The following SYK variants were observed in gnomAD, a reference collection of about 807,000 sequenced individuals.
The protein encoded by SYK is spleen associated tyrosine kinase, also known as tyrosine-protein kinase SYK.
In SYK, 16 loss-of-function variants were observed where a neutral mutation model predicts 77.8. That is an observed-to-expected ratio of 0.21 (90% CI 0.14 to 0.31). The LOEUF is 0.31. SYK is among the 10% of genes least tolerant of loss of function. The pLI is 1.00. For missense variants in SYK, 529 were observed against 814.4 expected, an observed-to-expected ratio of 0.65 and a Z score of 4.26; for synonymous variants, 312 against 308.7, an observed-to-expected ratio of 1.01 and a Z score of -0.11.
intron 3 of SYK, among the ~76,000 whole-genome samples, chr9:90,853,615 G>A (rs925128725): frequency 6.6e-6 from 1 of 151,992 alleles, no homozygotes; most frequent in African/African-American, 2.4e-5. Context: ...GTAAACTATC[G>A]CAAGGACAAA....
At chr9:90,857,642 G>A (rs575236287) in intron 3 of SYK, among the ~76,000 whole-genome samples, 1 of 152,296 alleles carries the variant, frequency 6.6e-6, no homozygotes, top group East Asian at 1.9e-4. Context: ...TCATGGATCA[G>A]TAAAGCTGGC....
intron 1 of SYK, among the ~76,000 whole-genome samples, chr9:90,838,605 G>A (rs1468647427): frequency 6.6e-6 from 1 of 152,190 alleles, no homozygotes; most frequent in Non-Finnish European, 1.5e-5. Flanking sequence ...GTTCACTGAG[G>A]TGCCAGACCC....
At chr9:90,867,293 C>A (rs1827539336) in intron 7 of SYK, 94 bp downstream of exon 7, 4 of 1,259,962 alleles carry the variant, frequency 3.2e-6, no homozygotes, top group Admixed American at 3.5e-5. Context: ...GTGTGCGCTG[C>A]CCCCCATCTC....
chr9:90,819,513 C>T (rs1166750870), intron 1 of SYK, among the ~76,000 whole-genome samples: 1 of 152,154 alleles, frequency 6.6e-6, no homozygotes, highest in Admixed American at 6.5e-5. Context: ...TACATGGTGG[C>T]AGCAAGAGAA....
At chr9:90,814,833 T>C (rs1312009682) in intron 1 of SYK, among the ~76,000 whole-genome samples, 2 of 74,940 alleles carry the variant, frequency 2.7e-5, no homozygotes, top group African/African-American at 9.3e-5. Context: ...ACAACACACG[T>C]GCACACACAC....
At chr9:90,893,970 A>T (rs996413821) in intron 13 of SYK, among the ~76,000 whole-genome samples, 3 of 152,240 alleles carry the variant, frequency 2.0e-5, no homozygotes, top group Non-Finnish European at 4.4e-5. Flanking sequence ...GCTGTGTCCC[A>T]GCTTCCTGGA....
chr9:90,887,705 C>T (rs1828631689), intron 11 of SYK, 44 bp from the exon 12 acceptor site: 1 of 1,562,232 alleles, frequency 6.4e-7, no homozygotes. Flanking sequence ...GCCCGGCCCA[C>T]AATTTTATTC....
In SYK at chr9:90,896,962, G is replaced by A; in HGVS notation, c.*1362G>A. The A allele has an allele frequency of 5.0e-6, 1 of 200,476 alleles. No homozygotes were observed. The highest frequency in any genetic ancestry group is 7.8e-5 in the East Asian group (1 of 12,868). 12.4% of individuals were successfully genotyped at this position (200,476 alleles called of 1,614,324 possible). A position where few individuals can be genotyped will look rare whatever the true frequency, so the allele number is the denominator to read the frequency against. ...GAATCGCTTGAACCCAGGAAACGGA[G>A]GTCGCAGTGAGCCAAGATCATGCCA... On this transcript the variant is annotated 3_prime_UTR_variant, in exon 14 of 14. Coordinates refer to ENST00000375754, the MANE Select transcript of SYK (RefSeq NM_003177.7).
intron 1 of SYK, among the ~76,000 whole-genome samples, chr9:90,824,047 T>A (rs1244461221): frequency 6.6e-6 from 1 of 151,614 alleles, no homozygotes; most frequent in African/African-American, 2.4e-5. Flanking sequence ...TTTACCAATA[T>A]CAGAAATGAA....
At chr9:90,868,124 G>T (rs557944743) in intron 7 of SYK, among the ~76,000 whole-genome samples, 2 of 152,280 alleles carry the variant, frequency 1.3e-5, no homozygotes, top group African/African-American at 4.8e-5. Context: ...AATTTTCCAA[G>T]TTTACTCATA....
intron 3 of SYK, among the ~76,000 whole-genome samples, chr9:90,850,913 G>A (rs1230154422): frequency 6.6e-6 from 1 of 152,162 alleles, no homozygotes; most frequent in African/African-American, 2.4e-5. Flanking sequence ...CCTAGGTAAT[G>A]CAGTTCAAAA....
intron 11 of SYK, among the ~76,000 whole-genome samples, chr9:90,885,272 G>A (rs1828520153): frequency 6.6e-6 from 1 of 151,948 alleles, no homozygotes; most frequent in African/African-American, 2.4e-5. Flanking sequence ...AAAAACAATA[G>A]AGAGAATTCA....
chr9:90,854,740 C>T (rs1826955914), intron 3 of SYK, among the ~76,000 whole-genome samples: 2 of 152,144 alleles, frequency 1.3e-5, no homozygotes, highest in Non-Finnish European at 2.9e-5. Flanking sequence ...CATGCCACCA[C>T]TGAATCCCCA....
At chr9:90,846,194 T>C (rs554788517) in intron 3 of SYK, among the ~76,000 whole-genome samples, 1 of 152,318 alleles carries the variant, frequency 6.6e-6, no homozygotes, top group East Asian at 1.9e-4. Flanking sequence ...CAGGCCAACG[T>C]GGTCAGTCAG....
chr9:90,860,221 T>A (rs1827203962), intron 3 of SYK, among the ~76,000 whole-genome samples: 1 of 152,226 alleles, frequency 6.6e-6, no homozygotes, highest in Non-Finnish European at 1.5e-5. Flanking sequence ...TAGGAAATAC[T>A]TTGGAGTGAC....
At chr9:90,841,840 TTG>T (rs56651618) in intron 1 of SYK, among the ~76,000 whole-genome samples, 39,140 of 149,480 alleles carry the variant, frequency 0.26, 5,361 homozygotes, top group South Asian at 0.34. Context: ...AGTTTGTGTG[TTG>T]TGTGTGCAGT....
At chr9:90,842,139 G>GTGTATGTAATTTGTGTTT (rs1456139854) in intron 1 of SYK, among the ~76,000 whole-genome samples, 3 of 150,666 alleles carry the variant, frequency 2.0e-5, no homozygotes, top group African/African-American at 7.3e-5. Context: ...AATTTGTGTT[G>GTGTATGTAATTTGTGTTT]TGTGTGCAGT....
In SYK at chr9:90,851,471, G is replaced by A. The variant is rs148320793; in HGVS notation, c.578+5877G>A. Among the ~76,000 whole-genome samples, 1,016 of 152,312 alleles carry A rather than the reference G, an allele frequency of 6.7e-3. 4 individuals carry two copies. The highest frequency in any genetic ancestry group is 0.037 in the Middle Eastern group (11 of 294). On this transcript the variant is annotated intron_variant, in intron 3 of 13. Coordinates refer to ENST00000375754, the MANE Select transcript of SYK (RefSeq NM_003177.7). ...CAGTGGTTGTCCCTCACAGCCGCCT[G>A]TGGCATTTCTGGAGGTGATGTTCAT...
At chr9:90,874,314 G>T (rs754350466) in intron 8 of SYK, 23 bp downstream of exon 8, 1 of 1,611,806 alleles carries the variant, frequency 6.2e-7, no homozygotes, top group South Asian at 1.1e-5. Context: ...TTCATTCAAG[G>T]GACATTCACA....
Sources: allele counts gnomAD v4.1 joint callset (sites outside exome capture counted in the v4.1 genomes callset), GRCh38; gene constraint gnomAD v4.1.1; transcripts MANE v1.5; gene names NCBI Gene and HGNC (gene_info 2026-07-23, HGNC 2026-07-21).